COQ5: variants seen among roughly 807,000 people sequenced by gnomAD.
The protein encoded by COQ5 is 2-methoxy-6-polyprenyl-1,4-benzoquinol methylase, mitochondrial.
COQ5 carries 27 observed loss-of-function variants against 40.5 expected under a neutral mutation model. The observed-to-expected ratio is 0.67, with a 90% CI of 0.49 to 0.92. The LOEUF (loss-of-function observed/expected upper bound fraction) is 0.92. Among genes scored for constraint, COQ5 ranks in the 40% least tolerant of loss-of-function variants. The pLI is 0.00. For missense variants in COQ5, 409 were observed against 406.4 expected (o/e 1.01, Z -0.06); for synonymous variants, 141 against 150.0 (o/e 0.94, Z 0.44).
intron 4 of COQ5, among the ~76,000 whole-genome samples, chr12:120,509,114 T>A (rs772346779): frequency 4.4e-4 from 66 of 151,578 alleles, no homozygotes; most frequent in Non-Finnish European, 8.7e-4. Flanking sequence ...ATGAACACCA[T>A]AAAGAACTTA....
rs775646935 is a variant in COQ5 at position 120,516,767 on chromosome 12, A to C, written c.374T>G (p.Leu125Arg). The change falls in exon 3 of 7, where the codon CTT becomes CGT. Residue 125 changes from leucine (L) to arginine (R), a missense_variant. By Grantham distance (102) the Leu-to-Arg change is moderately radical. Coordinates refer to ENST00000288532, the MANE Select transcript of COQ5 (RefSeq NM_032314.4). Reference protein sequence around the residue: ...GGTGDIAFRFLNYVQSQHQRK... With the variant: ...GGTGDIAFRFRNYVQSQHQRK... ...CTGATGCTGGGACTGAACATAATTA[A>C]GGAACCGGAATGCAATGTCACCTGT... The C allele has an allele frequency of 6.2e-7, 1 of 1,614,214 alleles. No homozygotes were observed. Among genetic ancestry groups the C allele is most frequent in the Non-Finnish European group, 8.5e-7 (1 of 1,180,010 alleles).
chr12:120,515,599 T>G (rs1056291979), intron 3 of COQ5, among the ~76,000 whole-genome samples: 7 of 152,116 alleles, frequency 4.6e-5, no homozygotes, highest in African/African-American at 4.8e-5. Flanking sequence ...TAATAATTTT[T>G]TGTGTGTGTG....
At chr12:120,516,947 T>C (rs1355391427) in intron 2 of COQ5, among the ~76,000 whole-genome samples, 159 bp from the exon 3 acceptor site, 5 of 152,266 alleles carry the variant, frequency 3.3e-5, no homozygotes, top group Non-Finnish European at 5.9e-5. Context: ...TTCTTCTTTT[T>C]GTTAGAGACA....
At chr12:120,508,528 T>G (rs1312714583) in intron 4 of COQ5, among the ~76,000 whole-genome samples, 1 of 152,202 alleles carries the variant, frequency 6.6e-6, no homozygotes, top group East Asian at 1.9e-4. Context: ...AAAGTTGTGC[T>G]ACATGCAAAA....
chr12:120,515,372 G>A (rs1481869410), intron 3 of COQ5, among the ~76,000 whole-genome samples: 4 of 152,226 alleles, frequency 2.6e-5, no homozygotes, highest in African/African-American at 9.6e-5. Context: ...TTACAGGCAT[G>A]AGCCACCTCG....
At chr12:120,519,223 T>C (rs1869530741) in intron 2 of COQ5, among the ~76,000 whole-genome samples, 1 of 152,198 alleles carries the variant, frequency 6.6e-6, no homozygotes, top group African/African-American at 2.4e-5. Flanking sequence ...AGCGTATATG[T>C]GACTAAATCT....
Position 120,504,087 on chromosome 12 carries a change from C to T in COQ5, c.771-6G>A, listed in dbSNP as rs1351013751. ...AGCTATATAGATCATAAAGCCTAGGCAAACAAAAAGGTAAAAGATGAAGAT... is the reference window on the plus strand; with the variant it reads ...AGCTATATAGATCATAAAGCCTAGGTAAACAAAAAGGTAAAAGATGAAGAT... On this transcript the variant is annotated splice_polypyrimidine_tract_variant and splice_region_variant and intron_variant, in intron 5 of 6. Transcript: ENST00000288532. 1.2e-5 allele frequency: 18 copies of T among 1,538,074 alleles called. 1 individual carries two copies. Among genetic ancestry groups the T allele is most frequent in the Middle Eastern group, 3.4e-4 (2 of 5,804 alleles).
intron 2 of COQ5, 68 bp downstream of exon 2, chr12:120,522,146 A>G: frequency 6.5e-7 from 1 of 1,549,024 alleles, no homozygotes; most frequent in Non-Finnish European, 8.9e-7. Context: ...GAGCTAGCTC[A>G]TTACAAGAGA....
intron 4 of COQ5, 81 bp downstream of exon 4, chr12:120,509,936 C>T: frequency 8.6e-7 from 1 of 1,168,936 alleles, no homozygotes; most frequent in Non-Finnish European, 1.3e-6. Context: ...CAAAACTCTC[C>T]TTCTTTCCTC....
chr12:120,507,487 T>C (rs1239112093), intron 4 of COQ5, among the ~76,000 whole-genome samples: 2 of 150,578 alleles, frequency 1.3e-5, no homozygotes, highest in African/African-American at 2.4e-5. Context: ...GTTTTCACCA[T>C]GTTGGTCAGG....
Position 120,519,742 on chromosome 12 carries a change from T to C in COQ5, c.352+2472A>G, listed in dbSNP as rs549268271. Among the ~76,000 whole-genome samples the C allele has an allele frequency of 3.3e-5, 5 of 151,788 alleles. No individual in the cohort carries two copies. The East Asian group carries it at 9.7e-4, about 30-fold the overall frequency. On this transcript the variant is annotated intron_variant, in intron 2 of 6. Coordinates refer to ENST00000288532, the MANE Select transcript of COQ5 (RefSeq NM_032314.4). ...AAAATTAGCTGGGTGTGGTGGCACA[T>C]GCCTGTAGTCCCAGCTACTTAGGAG...
rs1353123888 is a variant in COQ5, at chr12:120,527,884, G to A, written c.202+1056C>T. 3.3e-5 allele frequency among the ~76,000 whole-genome samples: 5 copies of A among 150,978 alleles called. No homozygotes were observed. The Admixed American group carries it at 3.3e-4, about 10-fold the overall frequency. ...CCCCTGTAGTCCCAGCTACTCGGGAGGCTGAGGCAGGAGAATGGCGTGAAG... is the reference window on the plus strand; with the variant it reads ...CCCCTGTAGTCCCAGCTACTCGGGAAGCTGAGGCAGGAGAATGGCGTGAAG... On this transcript the variant is annotated intron_variant, in intron 1 of 6. Coordinates refer to ENST00000288532, the MANE Select transcript of COQ5 (RefSeq NM_032314.4).
chr12:120,511,114 G>A (rs1411331061), intron 3 of COQ5, among the ~76,000 whole-genome samples: 7 of 151,880 alleles, frequency 4.6e-5, no homozygotes, highest in Admixed American at 3.3e-4. Flanking sequence ...AAAATTAGCC[G>A]GGCGTGGTGG....
At chr12:120,515,615 G>A (rs1869344767) in intron 3 of COQ5, among the ~76,000 whole-genome samples, 1 of 152,208 alleles carries the variant, frequency 6.6e-6, no homozygotes, top group South Asian at 2.1e-4. Context: ...GTGTGGCAGG[G>A]GAAACACAGA....
intron 4 of COQ5, 69 bp downstream of exon 4, chr12:120,509,948 C>T: frequency 8.1e-7 from 1 of 1,240,020 alleles, no homozygotes; most frequent in Non-Finnish European, 1.2e-6. Flanking sequence ...TCTTTCCTCA[C>T]TCACTGTAGC....
At chr12:120,519,766 A>G (rs1869553852) in intron 2 of COQ5, among the ~76,000 whole-genome samples, 1 of 151,070 alleles carries the variant, frequency 6.6e-6, no homozygotes, top group Admixed American at 6.6e-5. Context: ...GCTACTTAGG[A>G]GGCCGAGGCA....
At chr12:120,525,700 G>A (rs1869902350) in intron 1 of COQ5, among the ~76,000 whole-genome samples, 1 of 151,968 alleles carries the variant, frequency 6.6e-6, no homozygotes, top group African/African-American at 2.4e-5. Flanking sequence ...TGAGGCGGGG[G>A]GATCACGAGG....
At position 120,503,529 on chromosome 12, in the gene COQ5, C is replaced by T. The variant is rs1329983677; in HGVS notation, c.*255G>A. ...TGTACCTTAACCACACACCCTACAG[C>T]CAAGAGAAATTAGCAGTTGAGCAAA... On this transcript the variant is annotated 3_prime_UTR_variant, in exon 7 of 7. Coordinates refer to ENST00000288532, the MANE Select transcript of COQ5 (RefSeq NM_032314.4). 4 of 607,380 alleles carry T rather than the reference C, an allele frequency of 6.6e-6. No individual in the cohort carries two copies. The highest frequency in any genetic ancestry group is 1.2e-5 in the Non-Finnish European group (4 of 324,762). The allele number at this position is 607,380 out of a possible 1,614,324, so 37.6% of individuals were successfully genotyped here.
At chr12:120,522,395 A>G in intron 1 of COQ5, 32 bp from the exon 2 acceptor site, 3 of 1,606,350 alleles carry the variant, frequency 1.9e-6, no homozygotes, top group Non-Finnish European at 2.6e-6. Context: ...CAATAGTGCT[A>G]TTAACAGAAT....
Sources: gnomAD v4.1 joint callset for allele counts (sites outside exome capture counted in the v4.1 genomes callset) on GRCh38, gnomAD v4.1.1 for gene constraint, MANE v1.5 for transcripts, NCBI Gene and HGNC (gene_info 2026-07-23, HGNC 2026-07-21) for gene names.